Variants in FRMD7 observed in about 807,000 individuals in gnomAD.
The protein encoded by FRMD7 is FERM domain containing 7.
A neutral mutation model predicts 44.1 loss-of-function variants in FRMD7; 14 were observed. That is an observed-to-expected ratio of 0.32 (90% CI 0.21 to 0.50). The LOEUF (loss-of-function observed/expected upper bound fraction) is 0.50, where lower values mean the gene tolerates loss of function less well. FRMD7 is among the 20% of genes least tolerant of loss of function. The pLI is 0.99. For missense variants in FRMD7, 501 were observed against 522.3 expected, an observed-to-expected ratio of 0.96 and a Z score of 0.40; for synonymous variants, 212 against 187.4, an observed-to-expected ratio of 1.13 and a Z score of -1.07.
rs573995140 is a variant in FRMD7, at chrX:132,079,264, G to A, written c.1051-298C>T. 5.4e-5 allele frequency among the ~76,000 whole-genome samples: 6 copies of A among 111,794 alleles called. No individual in the cohort carries two copies. The South Asian group carries it at 2.2e-3, about 42-fold the overall frequency. On this transcript the variant is annotated intron_variant, in intron 11 of 11. Transcript: ENST00000298542. The stretch of plus-strand genomic sequence containing the variant: ...GTTTAATAGCTATATTAGTGAACCA[G>A]GAGTCCTGCCTGTTAGTCCTGGCTC...
Position 132,078,265 on chromosome X carries a change from C to T in FRMD7, c.1752G>A (p.Glu584=), listed in dbSNP as rs1927679140. ...GGCTCTGGGACCTTTTAGGGGTTTGCTCTTGAATGTTACATACAAATGCAT... is the reference window on the plus strand; with the variant it reads ...GGCTCTGGGACCTTTTAGGGGTTTGTTCTTGAATGTTACATACAAATGCAT... ...LEDAFVCNIQ[E]QTPKRSQSQS... is the part of the protein sequence containing the mutation. Residue 584 remains glutamate (E), a synonymous_variant, in exon 12 of 12, where the codon GAG becomes GAA. Coordinates refer to ENST00000298542, the MANE Select transcript of FRMD7 (RefSeq NM_194277.3). 1 of 1,211,035 alleles carries T rather than the reference C, an allele frequency of 8.3e-7. No homozygotes were observed.
At chrX:132,087,273 C>T (rs1308665453) in intron 5 of FRMD7, among the ~76,000 whole-genome samples, 1 of 111,255 alleles carries the variant, frequency 9.0e-6, no homozygotes, top group Non-Finnish European at 1.9e-5. Flanking sequence ...AGCAAATATC[C>T]AAACCTGTTA....
chrX:132,126,002 A>C (rs1929146159), intron 1 of FRMD7, among the ~76,000 whole-genome samples: 1 of 111,670 alleles, frequency 9.0e-6, no homozygotes, highest in Non-Finnish European at 1.9e-5. Context: ...AAATGAACTA[A>C]TGGATGTGAA....
At chrX:132,087,552 T>A (rs1269387699) in intron 5 of FRMD7, among the ~76,000 whole-genome samples, 1 of 111,929 alleles carries the variant, frequency 8.9e-6, no homozygotes, top group Non-Finnish European at 1.9e-5. Flanking sequence ...TTGCCAATAC[T>A]GATAAATGTA....
chrX:132,083,384 A>G (rs957734156), intron 8 of FRMD7, among the ~76,000 whole-genome samples: 1 of 111,182 alleles, frequency 9.0e-6, no homozygotes, highest in Non-Finnish European at 1.9e-5. Flanking sequence ...AGTTTTCCCC[A>G]TCTCCTGACA....
At chrX:132,116,485 G>A (rs1928900544) in intron 1 of FRMD7, among the ~76,000 whole-genome samples, 1 of 111,878 alleles carries the variant, frequency 8.9e-6, no homozygotes, top group African/African-American at 3.3e-5. Context: ...TGCTGACCCT[G>A]TTTTTTACTC....
chrX:132,116,776 C>T (rs868492183), intron 1 of FRMD7, among the ~76,000 whole-genome samples: 1 of 111,637 alleles, frequency 9.0e-6, no homozygotes, highest in African/African-American at 3.3e-5. Flanking sequence ...ACACGTTTAC[C>T]TATGTCACAA....
intron 1 of FRMD7, among the ~76,000 whole-genome samples, chrX:132,125,665 T>A (rs1415619303): frequency 1.8e-5 from 2 of 112,153 alleles, no homozygotes; most frequent in Non-Finnish European, 3.8e-5. Flanking sequence ...ACATAATTCT[T>A]CAACCATGAT....
intron 8 of FRMD7, 87 bp from the exon 9 acceptor site, chrX:132,082,613 G>T: frequency 1.2e-6 from 1 of 858,105 alleles, no homozygotes; most frequent in Non-Finnish European, 1.7e-6. Flanking sequence ...CTATTGCTCC[G>T]TTGGCCCATG....
At chrX:132,119,276 G>T (rs999178838) in intron 1 of FRMD7, among the ~76,000 whole-genome samples, 1 of 112,308 alleles carries the variant, frequency 8.9e-6, no homozygotes, top group African/African-American at 3.2e-5. Context: ...AATGTAAGTG[G>T]AAGTTCCTGG....
chrX:132,110,476 T>C (rs779270808), intron 1 of FRMD7, among the ~76,000 whole-genome samples: 1 of 111,810 alleles, frequency 8.9e-6, no homozygotes, highest in South Asian at 3.8e-4. Context: ...ACAGGCTTGC[T>C]CCCCTTTTGC....
chrX:132,103,508 CT>C (rs1194508657), intron 1 of FRMD7, among the ~76,000 whole-genome samples: 3 of 109,759 alleles, frequency 2.7e-5, no homozygotes, highest in East Asian at 2.8e-4. Flanking sequence ...ATCTATCTAT[CT>C]ATCTATCTAT....
In FRMD7 at chrX:132,078,784, A is replaced by T; in HGVS notation, c.1233T>A (p.Ser411Arg). Reference protein sequence around the residue: ...DPTLLHQSQSSSSFPFIYMDP... With the variant: ...DPTLLHQSQSRSSFPFIYMDP... ...CCATATAAATAAAAGGGAAAGAGGA[A>T]CTGCTTTGGGACTGATGTAGCAATG... The change falls in exon 12 of 12, where the codon AGT becomes AGA. Residue 411 changes from serine to arginine, a missense_variant. Ser to Arg is a moderately radical substitution (Grantham distance 110, BLOSUM62 -1). This residue lies in a region of FRMD7 where 453 missense variants were observed against 452.7 expected (regional missense o/e 1.00). Coordinates refer to ENST00000298542, the MANE Select transcript of FRMD7 (RefSeq NM_194277.3). The T allele has an allele frequency of 8.3e-7, 1 of 1,211,419 alleles. No homozygotes were observed. Among genetic ancestry groups the T allele is most frequent in the East Asian group, 3.0e-5 (1 of 33,818 alleles).
In FRMD7 at chrX:132,097,427, A is replaced by ACACC. The variant is rs72287532; in HGVS notation, c.206-84_206-83insGGTG. On this transcript the variant is annotated intron_variant, in intron 3 of 11. Transcript: ENST00000298542. ...TACACACACACACACACACACACAC[A>ACACC]CCCACACACACACCGCTCTCCTCTT... is the stretch of plus-strand genomic sequence containing the variant. 21 of 543,441 alleles carry ACACC rather than the reference A, an allele frequency of 3.9e-5. No individual in the cohort carries two copies. In the African/African-American group the frequency reaches 4.8e-4, roughly 13 times the overall value. 44.8% of individuals were successfully genotyped at this position (543,441 alleles called of 1,213,427 possible). A position where few individuals can be genotyped will look rare whatever the true frequency, so the allele number is the denominator to read the frequency against.
chrX:132,079,935 A>G (rs1427777388), intron 11 of FRMD7, 71 bp downstream of exon 11: 1 of 745,384 alleles, frequency 1.3e-6, no homozygotes, highest in African/African-American at 2.1e-5. Context: ...GGCAGAATCA[A>G]TTCATGGAAG....
chrX:132,090,439 G>A (rs74715555), intron 5 of FRMD7, among the ~76,000 whole-genome samples: 1,851 of 111,589 alleles, frequency 0.017, 97 homozygotes, highest in Admixed American at 0.14. Context: ...ATTATTTTGA[G>A]TGAAAAAAGT....
chrX:132,077,862 G>T lies in FRMD7; in HGVS notation c.*10C>A. The T allele has an allele frequency of 8.3e-7, 1 of 1,210,463 alleles. No homozygotes were observed. The highest frequency in any genetic ancestry group is 1.1e-6 in the Non-Finnish European group (1 of 894,313). ...GGAACTGGCTCAGAAATGTCCATAG[G>T]TTCACACTTTTAAGCTAAAAAGTAA... is the stretch of plus-strand genomic sequence containing the variant. On this transcript the variant is annotated 3_prime_UTR_variant, in exon 12 of 12. Coordinates refer to ENST00000298542, the MANE Select transcript of FRMD7 (RefSeq NM_194277.3).
At position 132,077,559 on chromosome X, in the gene FRMD7, A is replaced by T. The variant is rs1927641731; in HGVS notation, c.*313T>A. 7.0e-6 allele frequency: 2 copies of T among 285,300 alleles called. No homozygotes were observed. Among genetic ancestry groups the T allele is most frequent in the Admixed American group, 5.6e-5 (1 of 17,829 alleles). The allele number at this position is 285,300 out of a possible 1,213,427, so 23.5% of individuals were successfully genotyped here. Reference sequence around the variant, plus strand: ...ACCCATACTGTCACCATTCTTCAGCATTGAAGAGCCTGACCTTCACTCACA... The same window carrying T: ...ACCCATACTGTCACCATTCTTCAGCTTTGAAGAGCCTGACCTTCACTCACA... On this transcript the variant is annotated 3_prime_UTR_variant, in exon 12 of 12. Coordinates refer to ENST00000298542, the MANE Select transcript of FRMD7 (RefSeq NM_194277.3).
chrX:132,114,154 T>G (rs1462051413), intron 1 of FRMD7, among the ~76,000 whole-genome samples: 2 of 111,527 alleles, frequency 1.8e-5, no homozygotes, highest in African/African-American at 3.3e-5. Context: ...GTGCTCACTA[T>G]GTTGCCCAGC....
Sources: allele counts gnomAD v4.1 joint callset (sites outside exome capture counted in the v4.1 genomes callset), GRCh38; gene constraint gnomAD v4.1.1; regional missense constraint gnomAD v4.1.1; transcripts MANE v1.5; gene names NCBI Gene and HGNC (gene_info 2026-07-23, HGNC 2026-07-21).